The following PRKG1 variants were observed in gnomAD, a reference collection of about 807,000 sequenced individuals.
PRKG1 encodes the protein cGMP-dependent protein kinase 1.
A neutral mutation model predicts 88.1 loss-of-function variants in PRKG1; 35 were observed. The ratio of observed to expected loss-of-function variants is 0.40; its 90% confidence interval spans 0.30 to 0.53. PRKG1 has a LOEUF of 0.53. Among genes scored for constraint, PRKG1 ranks in the 20% least tolerant of loss-of-function variants. The pLI is 0.59. For missense variants in PRKG1, 540 were observed against 839.8 expected, an observed-to-expected ratio of 0.64 and a Z score of 4.41; for synonymous variants, 303 against 292.5, an observed-to-expected ratio of 1.04 and a Z score of -0.37.
At position 51,743,700 on chromosome 10, in the gene PRKG1, A is replaced by ATTT. The variant is rs1442471655; in HGVS notation, c.593-60885_593-60884insTTT. On this transcript the variant is annotated intron_variant, in intron 3 of 17. Coordinates refer to ENST00000373980, the MANE Select transcript of PRKG1 (RefSeq NM_006258.4). ...TATATATATAATTTATTATATATAT[A>ATTT]ATATAAACTAAATATATATATATAT... Among the ~76,000 whole-genome samples the ATTT allele has an allele frequency of 4.3e-3, 522 of 122,622 alleles. 5 individuals are homozygous for ATTT. The highest frequency in any genetic ancestry group is 0.016 in the African/African-American group (498 of 31,216). 80.4% of individuals were successfully genotyped at this position (122,622 alleles called of 152,430 possible).
In PRKG1 at chr10:51,055,577, C is replaced by CA. The variant is rs1006560670; in HGVS notation, c.266+63945dup. Among the ~76,000 whole-genome samples, 1,272 of 138,724 alleles carry CA rather than the reference C, an allele frequency of 9.2e-3. 16 individuals carry two copies. Among genetic ancestry groups the CA allele is most frequent in the African/African-American group, 0.029 (1,103 of 37,982 alleles). 91.0% of individuals were successfully genotyped at this position (138,724 alleles called of 152,430 possible). A position where few individuals can be genotyped will look rare whatever the true frequency, so the allele number is the denominator to read the frequency against. On this transcript the variant is annotated intron_variant, in intron 1 of 17. Transcript: ENST00000401604. ...TGAAACCCAGTCTCTACTAAAAATA[C>CA]AAAAAAAAAAAATTAGCTGGGAGTG...
intron 1 of PRKG1, among the ~76,000 whole-genome samples, chr10:51,077,088 G>C (rs576931734): frequency 2.8e-4 from 42 of 152,216 alleles, no homozygotes; most frequent in African/African-American, 8.4e-4. Context: ...CTTTCTTAGG[G>C]AAAAAAGAAG....
intron 10 of PRKG1, chr10:52,252,728 A>G (rs1564533470): frequency 1.3e-5 from 2 of 152,044 alleles, no homozygotes; most frequent in Non-Finnish European, 2.9e-5. Context: ...CATATGCCTC[A>G]CTGAATTGGT....
In PRKG1 at chr10:51,873,832, A is replaced by C. The variant is rs116375446; in HGVS notation, c.699-33675A>C. Reference sequence around the variant, plus strand: ...GCGTGAGCCACCATGCCCGGCCAAGAAACAGAATTTTTATAGCCAAAACAT... The same window carrying C: ...GCGTGAGCCACCATGCCCGGCCAAGCAACAGAATTTTTATAGCCAAAACAT... On this transcript the variant is annotated intron_variant, in intron 4 of 17. Coordinates refer to ENST00000373980, the MANE Select transcript of PRKG1 (RefSeq NM_006258.4). Among the ~76,000 whole-genome samples, 1,303 of 152,286 alleles carry C rather than the reference A, an allele frequency of 8.6e-3. 22 individuals carry two copies. The highest frequency in any genetic ancestry group is 0.03 in the African/African-American group (1,246 of 41,564).
intron 4 of PRKG1, among the ~76,000 whole-genome samples, chr10:51,856,270 G>T (rs112397926): frequency 7.8e-4 from 118 of 152,244 alleles, no homozygotes; most frequent in African/African-American, 2.6e-3. Context: ...ATATTTACAG[G>T]TTCCGGGATT....
chr10:51,659,183 A>G (rs969017401), intron 3 of PRKG1, among the ~76,000 whole-genome samples: 4 of 152,160 alleles, frequency 2.6e-5, no homozygotes, highest in African/African-American at 9.6e-5. Context: ...TAGGGATTCT[A>G]GAAAATAGGC....
At chr10:51,176,843 C>G (rs1259439856) in intron 2 of PRKG1, among the ~76,000 whole-genome samples, 1 of 152,118 alleles carries the variant, frequency 6.6e-6, no homozygotes, top group Non-Finnish European at 1.5e-5. Context: ...TACATACTAT[C>G]AAATTTTATC....
intron 17 of PRKG1, among the ~76,000 whole-genome samples, chr10:52,293,419 T>A (rs1842309669): frequency 6.6e-6 from 1 of 151,894 alleles, no homozygotes; most frequent in South Asian, 2.1e-4. Flanking sequence ...TACTTTAAAG[T>A]TCATATGGAA....
chr10:51,495,750 G>A (rs1840833210), intron 3 of PRKG1, among the ~76,000 whole-genome samples: 1 of 152,174 alleles, frequency 6.6e-6, no homozygotes, highest in Admixed American at 6.5e-5. Flanking sequence ...TGTGTCCTCA[G>A]TAAGGAGGTA....
chr10:51,883,146 C>A (rs567074882), intron 4 of PRKG1, among the ~76,000 whole-genome samples: 30 of 152,214 alleles, frequency 2.0e-4, no homozygotes, highest in Non-Finnish European at 4.1e-4. Flanking sequence ...CATCTTCTGT[C>A]TTCAAACATC....
At chr10:52,028,517 A>G (rs1845400163) in intron 5 of PRKG1, among the ~76,000 whole-genome samples, 1 of 152,094 alleles carries the variant, frequency 6.6e-6, no homozygotes, top group African/African-American at 2.4e-5. Flanking sequence ...GTATCCCCTC[A>G]AGCATAAGTT....
At chr10:51,906,975 A>G (rs969923594) in intron 4 of PRKG1, among the ~76,000 whole-genome samples, 12 of 152,258 alleles carry the variant, frequency 7.9e-5, no homozygotes, top group African/African-American at 2.9e-4. Context: ...TAAGATTTCT[A>G]TTTTAAGACT....
chr10:51,934,846 T>C (rs1372801677), intron 5 of PRKG1, among the ~76,000 whole-genome samples: 2 of 152,150 alleles, frequency 1.3e-5, no homozygotes, highest in Admixed American at 6.6e-5. Flanking sequence ...ACAGAGAAAT[T>C]GAGCAAAAAG....
intron 9 of PRKG1, among the ~76,000 whole-genome samples, chr10:52,219,783 G>C (rs1840198440): frequency 6.6e-6 from 1 of 151,946 alleles, no homozygotes; most frequent in Admixed American, 6.6e-5. Context: ...CCAAACACTG[G>C]GCATATTTAT....
intron 9 of PRKG1, among the ~76,000 whole-genome samples, chr10:52,209,891 C>T (rs1015430721): frequency 2.0e-5 from 3 of 152,180 alleles, no homozygotes; most frequent in African/African-American, 7.2e-5. Context: ...GTGACCCTCT[C>T]CTCAGCAACA....
intron 5 of PRKG1, among the ~76,000 whole-genome samples, chr10:51,943,464 G>T (rs942478578): frequency 2.6e-5 from 4 of 151,904 alleles, no homozygotes; most frequent in Non-Finnish European, 5.9e-5. Flanking sequence ...CTGCCTAATT[G>T]CCCTGGCCAG....
At chr10:51,884,025 C>CAAA (rs11346256) in intron 4 of PRKG1, among the ~76,000 whole-genome samples, 4 of 106,082 alleles carry the variant, frequency 3.8e-5, no homozygotes, top group South Asian at 3.5e-4. Flanking sequence ...TTTTATTTTT[C>CAAA]AAAAAAAAAA....
At chr10:51,383,348 A>G (rs1837161292) in intron 2 of PRKG1, among the ~76,000 whole-genome samples, 1 of 152,120 alleles carries the variant, frequency 6.6e-6, no homozygotes, top group Non-Finnish European at 1.5e-5. Context: ...GGAAAAAAAG[A>G]TGAGGGAAGA....
At chr10:52,228,402 G>T (rs937944745) in intron 9 of PRKG1, among the ~76,000 whole-genome samples, 1 of 152,168 alleles carries the variant, frequency 6.6e-6, no homozygotes, top group African/African-American at 2.4e-5. Context: ...AGGAGAGGGG[G>T]TTCTTGCTCT....
Sources: gnomAD v4.1 joint callset for allele counts (sites outside exome capture counted in the v4.1 genomes callset) on GRCh38, gnomAD v4.1.1 for gene constraint, MANE v1.5 for transcripts, NCBI Gene and HGNC (gene_info 2026-07-23, HGNC 2026-07-21) for gene names.